Variants in PTPRZ1 observed in about 807,000 individuals in gnomAD.
PTPRZ1 encodes protein tyrosine phosphatase receptor type Z1.
In PTPRZ1, 82 loss-of-function variants were observed where a neutral mutation model predicts 214.1. The ratio of observed to expected loss-of-function variants is 0.38; its 90% CI spans 0.32 to 0.46. The LOEUF is 0.46. Among genes scored for constraint, PTPRZ1 ranks in the 20% least tolerant of loss-of-function variants. The pLI is 1.00. For synonymous variants in PTPRZ1, 945 were observed against 987.9 expected, an observed-to-expected ratio of 0.96 and a Z score of 0.81; for missense variants, 2,603 against 2,748.7, an observed-to-expected ratio of 0.95 and a Z score of 1.19.
Position 121,997,985 on chromosome 7 carries a change from G to A in PTPRZ1, c.1219G>A (p.Asp407Asn), listed in dbSNP as rs200342007. Residue 407 changes from aspartate (D) to asparagine (N), a missense_variant, in exon 10 of 30, where the codon GAC becomes AAC. Physicochemically the swap from Asp to Asn is conservative, Grantham distance 23. This residue lies in a region of PTPRZ1 where 244 missense variants were observed against 333.2 expected (regional missense o/e 0.73). Transcript: ENST00000393386. ...AAAATACAGCGACCAACTGATTGTC[G>A]ACATGCCTACTGATAATCCTGGTAA... ...YGKYSDQLIVDMPTDNPELDL... is the reference protein window; with the variant it reads ...YGKYSDQLIVNMPTDNPELDL... The A allele has an allele frequency of 1.7e-5, 27 of 1,612,664 alleles. No individual in the cohort carries two copies. The highest frequency in any genetic ancestry group is 1.6e-4 in the Middle Eastern group (1 of 6,080).
rs1426938778 is a variant in PTPRZ1, at chr7:122,036,620, C to G, written c.5305C>G (p.Leu1769Val). The G allele has an allele frequency of 6.2e-7, 1 of 1,605,360 alleles. No homozygotes were observed. Among genetic ancestry groups the G allele is most frequent in the African/African-American group, 1.3e-5 (1 of 74,706 alleles). Residue 1769 changes from leucine (L) to valine (V), a missense_variant, in exon 18 of 30, where the codon CTA (leucine) becomes GTA (valine). Coordinates refer to ENST00000393386, the MANE Select transcript of PTPRZ1 (RefSeq NM_002851.3). ...IVAYDHSRVK[L>V]AQLAEKDGKL... ...TACAGATGATCATAGCAGGGTTAAG[C>G]TAGCACAGCTTGCTGAAAAGGATGG...
In PTPRZ1 at chr7:122,040,961, C is replaced by A; in HGVS notation, c.5783C>A (p.Pro1928His). The A allele has an allele frequency of 6.4e-7, 1 of 1,567,340 alleles. No homozygotes were observed. Among genetic ancestry groups the A allele is most frequent in the South Asian group, 1.2e-5 (1 of 86,592 alleles). ...AAYAKRHAVG[P>H]VVVHCSAGVG... ...TATGCCAAGCGCCATGCAGTGGGGCCTGTTGTCGTCCACTGCAGGTGAGTC... is the reference window on the plus strand; with the variant it reads ...TATGCCAAGCGCCATGCAGTGGGGCATGTTGTCGTCCACTGCAGGTGAGTC... Residue 1928 changes from proline to histidine, a missense_variant, in exon 21 of 30, where the codon CCT becomes CAT. By Grantham distance (77) the Pro-to-His change is moderately conservative. This residue lies in a region of PTPRZ1 where 1,913 missense variants were observed against 1,914.3 expected (regional missense o/e 1.00). Coordinates refer to ENST00000393386, the MANE Select transcript of PTPRZ1 (RefSeq NM_002851.3).
At chr7:122,025,408 C>T (rs922238465) in intron 13 of PTPRZ1, among the ~76,000 whole-genome samples, 3 of 151,148 alleles carry the variant, frequency 2.0e-5, no homozygotes, top group African/African-American at 7.3e-5. Context: ...CAGCTCACCG[C>T]AACCTCCACC....
At chr7:122,042,528 A>C (rs1799762816) in intron 21 of PTPRZ1, 80 bp from the exon 22 acceptor site, 3 of 1,358,756 alleles carry the variant, frequency 2.2e-6, no homozygotes, top group Non-Finnish European at 3.0e-6. Context: ...TTTAATCAAC[A>C]TGACAACCAG....
chr7:121,882,409 A>G (rs563107433), intron 1 of PTPRZ1, among the ~76,000 whole-genome samples: 3 of 152,286 alleles, frequency 2.0e-5, no homozygotes, highest in Admixed American at 6.5e-5. Flanking sequence ...GGATAAATGG[A>G]TAGAGCTTCA....
chr7:121,959,282 C>A (rs1385619883), intron 2 of PTPRZ1, among the ~76,000 whole-genome samples: 1 of 152,124 alleles, frequency 6.6e-6, no homozygotes, highest in African/African-American at 2.4e-5. Flanking sequence ...ATGTGATTGT[C>A]CCATTAGTAC....
intron 17 of PTPRZ1, 46 bp from the exon 18 acceptor site, chr7:122,036,554 A>G (rs771559969): frequency 4.1e-6 from 5 of 1,234,358 alleles, no homozygotes; most frequent in Non-Finnish European, 5.8e-6. Context: ...CTTTGTGCTG[A>G]AAAGTAGTCT....
intron 17 of PTPRZ1, among the ~76,000 whole-genome samples, chr7:122,035,862 A>G (rs1452386409): frequency 1.3e-5 from 2 of 152,210 alleles, no homozygotes; most frequent in African/African-American, 4.8e-5. Flanking sequence ...TATTTTCTCC[A>G]AATAAATAGT....
intron 2 of PTPRZ1, among the ~76,000 whole-genome samples, chr7:121,937,431 C>T (rs1860721): frequency 0.039 from 6,008 of 152,202 alleles, 135 homozygotes; most frequent in East Asian, 0.084. Context: ...ATGCACCTGG[C>T]GGCTCCCCTG....
At position 122,013,287 on chromosome 7, in the gene PTPRZ1, G is replaced by A; in HGVS notation, c.4241G>A (p.Gly1414Asp). Residue 1414 changes from glycine (G) to aspartate (D), a missense_variant, in exon 12 of 30, where the codon GGT becomes GAT. Transcript: ENST00000393386. The stretch of plus-strand genomic sequence containing the variant: ...GCCAAATCTGATGCCGGTTTAGTGG[G>A]TGGTGGTGAAGATGGTGACACTGAT... ...HSAKSDAGLV[G>D]GGEDGDTDDD... is the part of the protein sequence containing the mutation. 2 of 1,611,738 alleles carry A rather than the reference G, an allele frequency of 1.2e-6. No homozygotes were observed. Among genetic ancestry groups the A allele is most frequent in the South Asian group, 2.2e-5 (2 of 90,814 alleles).
In PTPRZ1 at chr7:122,013,299, A is replaced by G; in HGVS notation, c.4253A>G (p.Asp1418Gly). The change falls in exon 12 of 30, where the codon GAT (aspartate) becomes GGT (glycine). Residue 1418 changes from aspartate to glycine, a missense_variant. Around this residue, in one of 6 missense-constraint regions of PTPRZ1, gnomAD observed 1,913 missense variants for 1,914.3 expected, o/e 1.00. Coordinates refer to ENST00000393386, the MANE Select transcript of PTPRZ1 (RefSeq NM_002851.3). ...SDAGLVGGGE[D>G]GDTDDDGDDD... ...GCCGGTTTAGTGGGTGGTGGTGAAGATGGTGACACTGATGATGATGGTGAT... is the reference window on the plus strand; with the variant it reads ...GCCGGTTTAGTGGGTGGTGGTGAAGGTGGTGACACTGATGATGATGGTGAT... The G allele has an allele frequency of 6.2e-7, 1 of 1,606,644 alleles. No individual in the cohort carries two copies. The highest frequency in any genetic ancestry group is 1.1e-5 in the South Asian group (1 of 90,480).
chr7:122,044,279 C>G, intron 22 of PTPRZ1, 143 bp from the exon 23 acceptor site: 1 of 888,474 alleles, frequency 1.1e-6, no homozygotes, highest in Admixed American at 2.5e-5. Flanking sequence ...TGACTTCCTT[C>G]CAGGTTTTGT....
intron 4 of PTPRZ1, among the ~76,000 whole-genome samples, chr7:121,973,667 C>G (rs1413596104): frequency 1.3e-5 from 2 of 152,154 alleles, no homozygotes; most frequent in East Asian, 3.9e-4. Context: ...GGCGCGGTGG[C>G]TCATGCCTGT....
Position 121,908,755 on chromosome 7 carries a change from T to C in PTPRZ1, c.59-19401T>C, listed in dbSNP as rs530106920. 12 of 494,028 alleles carry C rather than the reference T, an allele frequency of 2.4e-5. No homozygotes were observed. The East Asian group carries it at 6.7e-4, about 28-fold the overall frequency. The allele number at this position is 494,028 out of a possible 1,614,324, so 30.6% of individuals were successfully genotyped here. The stretch of plus-strand genomic sequence containing the variant: ...AGTACATTTCAGGCTAGAATAACAT[T>C]ACTAATGACACTTTATTAATAGTGC... On this transcript the variant is annotated intron_variant, in intron 1 of 29. Transcript: ENST00000393386.
In PTPRZ1 at chr7:122,013,536, G is replaced by A; in HGVS notation, c.4490G>A (p.Gly1497Asp). 1 of 1,614,140 alleles carries A rather than the reference G, an allele frequency of 6.2e-7. No individual in the cohort carries two copies. The highest frequency in any genetic ancestry group is 1.3e-5 in the African/African-American group (1 of 75,052). ...AGTGTATCCTCAGACAGTCAAACTGGTATGGACAGAAGTCCTGGTAAATCA... is the reference window on the plus strand; with the variant it reads ...AGTGTATCCTCAGACAGTCAAACTGATATGGACAGAAGTCCTGGTAAATCA... ...VTSVSSDSQT[G>D]MDRSPGKSPS... is the part of the protein sequence containing the mutation. Residue 1497 changes from glycine to aspartate, a missense_variant, in exon 12 of 30, where the codon GGT (glycine) becomes GAT (aspartate). This residue lies in a region of PTPRZ1 where 1,913 missense variants were observed against 1,914.3 expected (regional missense o/e 1.00). Coordinates refer to ENST00000393386, the MANE Select transcript of PTPRZ1 (RefSeq NM_002851.3).
intron 3 of PTPRZ1, among the ~76,000 whole-genome samples, chr7:121,972,020 C>T (rs1315184218): frequency 2.6e-5 from 4 of 152,118 alleles, no homozygotes; most frequent in Non-Finnish European, 4.4e-5. Flanking sequence ...AGTTTCCTGC[C>T]TTTCCTGCCA....
In PTPRZ1 at chr7:122,040,960, C is replaced by T; in HGVS notation, c.5782C>T (p.Pro1928Ser). The change falls in exon 21 of 30, where the codon CCT (proline) becomes TCT (serine). Residue 1928 changes from proline to serine, a missense_variant. By Grantham distance (74) the Pro-to-Ser change is moderately conservative (BLOSUM62 -1). Coordinates refer to ENST00000393386, the MANE Select transcript of PTPRZ1 (RefSeq NM_002851.3). The stretch of plus-strand genomic sequence containing the variant: ...CTATGCCAAGCGCCATGCAGTGGGG[C>T]CTGTTGTCGTCCACTGCAGGTGAGT... ...AAYAKRHAVG[P>S]VVVHCSAGVG... The T allele has an allele frequency of 1.3e-6, 2 of 1,568,304 alleles. No individual in the cohort carries two copies. Among genetic ancestry groups the T allele is most frequent in the Non-Finnish European group, 1.7e-6 (2 of 1,148,580 alleles).
At chr7:121,885,378 C>T (rs1017617475) in intron 1 of PTPRZ1, among the ~76,000 whole-genome samples, 1 of 152,070 alleles carries the variant, frequency 6.6e-6, no homozygotes, top group Admixed American at 6.6e-5. Flanking sequence ...GAATTTTGAA[C>T]GTAGATGGCA....
At chr7:121,907,434 AT>A (rs531615167) in intron 1 of PTPRZ1, among the ~76,000 whole-genome samples, 71 of 152,032 alleles carry the variant, frequency 4.7e-4, no homozygotes, top group Admixed American at 1.4e-3. Flanking sequence ...CATAAGACAC[AT>A]TTTTTTAGGA....
Sources: gnomAD v4.1 joint callset for allele counts (sites outside exome capture counted in the v4.1 genomes callset) on GRCh38, gnomAD v4.1.1 for gene constraint, gnomAD v4.1.1 regional missense constraint, MANE v1.5 for transcripts, NCBI Gene and HGNC (gene_info 2026-07-23, HGNC 2026-07-21) for gene names.